The following GAD2 variants were observed in gnomAD, a reference collection of about 807,000 sequenced individuals.
GAD2 encodes the protein 65 kDa glutamic acid decarboxylase.
GAD2 carries 22 observed loss-of-function variants against 80.1 expected under a neutral mutation model. The observed-to-expected ratio is 0.27, with a 90% CI of 0.20 to 0.39. The LOEUF (loss-of-function observed/expected upper bound fraction) is 0.39, where lower values mean the gene tolerates loss of function less well. Among genes scored for constraint, GAD2 ranks in the 10% least tolerant of loss-of-function variants. The pLI is 1.00. For synonymous variants in GAD2, 274 were observed against 256.9 expected, an observed-to-expected ratio of 1.07 and a Z score of -0.64; for missense variants, 624 against 738.4, an observed-to-expected ratio of 0.85 and a Z score of 1.80.
chr10:26,269,978 C>T lies in GAD2; in HGVS notation c.976-662C>T, dbSNP rs1035135698. On this transcript the variant is annotated intron_variant, in intron 9 of 15. Coordinates refer to ENST00000376261, the MANE Select transcript of GAD2 (RefSeq NM_001134366.2). Reference sequence around the variant, plus strand: ...CCTAAAGACTGACACCATAACATCACGTTCTATAGACAGGACAGAGTCCTT... The same window carrying T: ...CCTAAAGACTGACACCATAACATCATGTTCTATAGACAGGACAGAGTCCTT... Among the ~76,000 whole-genome samples, 7 of 152,246 alleles carry T rather than the reference C, an allele frequency of 4.6e-5. No individual in the cohort carries two copies. In the East Asian group the frequency reaches 5.8e-4, roughly 13 times the overall value.
intron 7 of GAD2, among the ~76,000 whole-genome samples, chr10:26,244,066 C>T (rs368334707): frequency 8.5e-5 from 13 of 152,186 alleles, no homozygotes; most frequent in African/African-American, 3.1e-4. Flanking sequence ...GGGCAAAGAA[C>T]TTGAATAGAC....
chr10:26,249,427 G>A (rs1844851855), intron 8 of GAD2, among the ~76,000 whole-genome samples: 1 of 152,226 alleles, frequency 6.6e-6, no homozygotes, highest in Non-Finnish European at 1.5e-5. Flanking sequence ...AAAATGTGAA[G>A]AATAAATGTT....
In GAD2 at chr10:26,281,146, G is replaced by A. The variant is rs184932326; in HGVS notation, c.1236+59G>A. ...GCGTGGGCTTTGACTGTCTTTATGC[G>A]GTTGACTTTCTCTGGAAATGTCAAG... On this transcript the variant is annotated intron_variant, in intron 12 of 15. Transcript: ENST00000376261. The A allele has an allele frequency of 2.9e-5, 36 of 1,232,914 alleles. No individual in the cohort carries two copies. The East Asian group carries it at 3.3e-4, about 11-fold the overall frequency. 76.4% of individuals were successfully genotyped at this position (1,232,914 alleles called of 1,614,324 possible).
intron 12 of GAD2, among the ~76,000 whole-genome samples, chr10:26,282,790 A>G (rs1283843081): frequency 6.6e-6 from 1 of 152,206 alleles, no homozygotes; most frequent in Non-Finnish European, 1.5e-5. Flanking sequence ...GTCAACTTCA[A>G]ATTTACACAG....
intron 6 of GAD2, 186 bp downstream of exon 6, chr10:26,224,837 AT>A: frequency 1.8e-6 from 1 of 559,920 alleles, no homozygotes; most frequent in Non-Finnish European, 3.2e-6. Context: ...TAAGTAACCC[AT>A]GCTTGAACAT....
intron 7 of GAD2, among the ~76,000 whole-genome samples, chr10:26,238,044 AC>A: frequency 6.6e-6 from 1 of 150,662 alleles, no homozygotes; most frequent in Non-Finnish European, 1.5e-5. Flanking sequence ...ACACACACAC[AC>A]ACAAGAAAAG....
chr10:26,248,430 TC>T (rs1342244591), intron 8 of GAD2, among the ~76,000 whole-genome samples: 1 of 152,126 alleles, frequency 6.6e-6, no homozygotes, highest in Non-Finnish European at 1.5e-5. Context: ...GACCTCAGTT[TC>T]CCCTCATCTG....
At chr10:26,278,752 G>T (rs901365269) in intron 11 of GAD2, among the ~76,000 whole-genome samples, 1 of 151,876 alleles carries the variant, frequency 6.6e-6, no homozygotes, top group Non-Finnish European at 1.5e-5. Flanking sequence ...AATTCCAGTC[G>T]TAAATGTATC....
intron 10 of GAD2, among the ~76,000 whole-genome samples, chr10:26,272,855 A>T (rs1410035115): frequency 6.6e-6 from 1 of 152,174 alleles, no homozygotes; most frequent in Non-Finnish European, 1.5e-5. Flanking sequence ...CAAGAGCAAA[A>T]CTCTGTCTCA....
At chr10:26,242,834 G>T (rs1309489707) in intron 7 of GAD2, among the ~76,000 whole-genome samples, 1 of 152,126 alleles carries the variant, frequency 6.6e-6, no homozygotes, top group Admixed American at 6.5e-5. Flanking sequence ...CCATTGACCA[G>T]GTGCACCAGA....
chr10:26,293,760 G>T (rs1180587074), intron 15 of GAD2, among the ~76,000 whole-genome samples: 2 of 152,166 alleles, frequency 1.3e-5, no homozygotes, highest in Admixed American at 1.3e-4. Context: ...CCCCTAGAAG[G>T]TAAGAGGGCA....
chr10:26,269,137 T>C lies in GAD2; in HGVS notation c.939T>C (p.Ser313=). 1 of 1,598,636 alleles carries C rather than the reference T, an allele frequency of 6.3e-7. No individual in the cohort carries two copies. The highest frequency in any genetic ancestry group is 8.5e-7 in the Non-Finnish European group (1 of 1,171,768). ...KCDERGKMIP[S]DLERRILEAK... is the part of the protein sequence containing the mutation. ...CTTCCAGAGGGAAAATGATTCCATC[T>C]GATCTTGAAAGAAGGATTCTTGAAG... The change falls in exon 9 of 16, where the codon TCT becomes TCC. Residue 313 remains serine, a synonymous_variant. Coordinates refer to ENST00000376261, the MANE Select transcript of GAD2 (RefSeq NM_001134366.2).
At position 26,291,813 on chromosome 10, in the gene GAD2, T is replaced by A. The variant is rs78363825; in HGVS notation, c.1387-652T>A. On this transcript the variant is annotated intron_variant, in intron 13 of 15. Coordinates refer to ENST00000376261, the MANE Select transcript of GAD2 (RefSeq NM_001134366.2). ...TGTGTTGGTTTTCCCAAGTCTGGATTCAGAGCTTCCAGAGCCAGAAACTAA... is the reference window on the plus strand; with the variant it reads ...TGTGTTGGTTTTCCCAAGTCTGGATACAGAGCTTCCAGAGCCAGAAACTAA... Among the ~76,000 whole-genome samples, 79 of 152,330 alleles carry A rather than the reference T, an allele frequency of 5.2e-4. 1 individual carries two copies. The East Asian group carries it at 0.015, about 29-fold the overall frequency.
At chr10:26,281,884 T>C (rs190459331) in intron 12 of GAD2, among the ~76,000 whole-genome samples, 18 of 152,302 alleles carry the variant, frequency 1.2e-4, no homozygotes, top group Admixed American at 7.8e-4. Flanking sequence ...CAATTTTATC[T>C]TCTTAGCATT....
chr10:26,293,091 TG>T, intron 15 of GAD2, 100 bp downstream of exon 15: 1 of 878,564 alleles, frequency 1.1e-6, no homozygotes, highest in South Asian at 1.5e-5. Flanking sequence ...ACAGCCTACC[TG>T]GGTACATGGG....
At chr10:26,280,898 A>T in intron 11 of GAD2, 111 bp from the exon 12 acceptor site, 1 of 679,226 alleles carries the variant, frequency 1.5e-6, no homozygotes, top group Non-Finnish European at 2.6e-6. Context: ...AAATACATTT[A>T]GTGTCAATCT....
intron 7 of GAD2, among the ~76,000 whole-genome samples, chr10:26,234,993 C>T (rs972343653): frequency 8.5e-5 from 13 of 152,208 alleles, no homozygotes; most frequent in Non-Finnish European, 1.5e-4. Flanking sequence ...CTGCCTCAGC[C>T]TCCTGAGTAG....
intron 12 of GAD2, among the ~76,000 whole-genome samples, chr10:26,282,317 G>C (rs1351583372): frequency 6.6e-6 from 1 of 152,096 alleles, no homozygotes; most frequent in East Asian, 1.9e-4. Flanking sequence ...ATTTTAGAAA[G>C]TTGAGGCAGA....
chr10:26,240,187 TAA>T (rs1844723057), intron 7 of GAD2, among the ~76,000 whole-genome samples: 1 of 152,210 alleles, frequency 6.6e-6, no homozygotes, highest in Non-Finnish European at 1.5e-5. Context: ...CCACCATCTC[TAA>T]AGGGATTAGA....
Sources: gnomAD v4.1 joint callset for allele counts (sites outside exome capture counted in the v4.1 genomes callset) on GRCh38, gnomAD v4.1.1 for gene constraint, MANE v1.5 for transcripts, NCBI Gene and HGNC (gene_info 2026-07-23, HGNC 2026-07-21) for gene names.